The following SYT16 variants were observed in gnomAD, a reference collection of about 807,000 sequenced individuals.
SYT16 encodes synaptotagmin 16, also known as synaptotagmin-16.
A neutral mutation model predicts 61.4 loss-of-function variants in SYT16; 42 were observed. The ratio of observed to expected loss-of-function variants is 0.68; its 90% CI spans 0.53 to 0.89. The LOEUF (loss-of-function observed/expected upper bound fraction) is 0.89. Ranked by LOEUF, SYT16 falls within the 40% of genes least tolerant of loss-of-function variation. The probability of loss-of-function intolerance (pLI) is 0.00; values close to 1 mark genes in which losing one functional copy is unlikely to be tolerated. For missense variants in SYT16, 804 were observed against 807.3 expected (o/e 1.00, Z 0.05); for synonymous variants, 314 against 302.3 (o/e 1.04, Z -0.40).
chr14:62,044,862 G>A (rs907367501), intron 3 of SYT16, among the ~76,000 whole-genome samples: 3 of 152,140 alleles, frequency 2.0e-5, no homozygotes, highest in African/African-American at 4.8e-5. Context: ...ATTTTGTGGA[G>A]AGTGCAGTGG....
At chr14:61,872,745 T>C (rs1470697880) in intron 1 of SYT16, among the ~76,000 whole-genome samples, 1 of 152,232 alleles carries the variant, frequency 6.6e-6, no homozygotes, top group Non-Finnish European at 1.5e-5. Context: ...CTTTGGGGAA[T>C]ACAGACGTTG....
intron 1 of SYT16, among the ~76,000 whole-genome samples, chr14:61,876,071 T>C (rs2140311231): frequency 6.6e-6 from 1 of 152,338 alleles, no homozygotes; most frequent in Admixed American, 6.5e-5. Flanking sequence ...TGCGTGTGTG[T>C]GTGCACATGC....
chr14:61,953,637 T>A (rs528812021), intron 1 of SYT16, among the ~76,000 whole-genome samples: 17 of 152,314 alleles, frequency 1.1e-4, no homozygotes, highest in African/African-American at 3.8e-4. Flanking sequence ...CACCTCTTAC[T>A]GCTGCTGAAA....
chr14:61,968,604 T>G (rs1374115907), intron 1 of SYT16, among the ~76,000 whole-genome samples: 1 of 152,218 alleles, frequency 6.6e-6, no homozygotes, highest in Non-Finnish European at 1.5e-5. Context: ...TTACTCCTAC[T>G]TAAGGACTCT....
At chr14:62,088,929 C>G (rs4902105) in intron 7 of SYT16, among the ~76,000 whole-genome samples, 121,977 of 151,208 alleles carry the variant, frequency 0.81, 49,507 homozygotes, top group South Asian at 0.91. Context: ...CTTAGCCATG[C>G]ATAGGGACTT....
At chr14:61,833,295 CTTT>C (rs556738010) in intron 1 of SYT16, among the ~76,000 whole-genome samples, 1 of 138,760 alleles carries the variant, frequency 7.2e-6, no homozygotes, top group Non-Finnish European at 1.6e-5. Flanking sequence ...TTTTTCTTTT[CTTT>C]TTTTTTTTTT....
chr14:61,973,571 CAGTG>C (rs1829079380), intron 2 of SYT16, among the ~76,000 whole-genome samples: 1 of 152,126 alleles, frequency 6.6e-6, no homozygotes, highest in Non-Finnish European at 1.5e-5. Context: ...AAAAATTTCA[CAGTG>C]AGACAATAGT....
intron 1 of SYT16, among the ~76,000 whole-genome samples, chr14:61,837,757 A>G (rs772165612): frequency 9.9e-5 from 15 of 152,180 alleles, no homozygotes; most frequent in Non-Finnish European, 1.6e-4. Flanking sequence ...CTTGGATGCT[A>G]TGCTTCTGGC....
chr14:62,085,371 GA>G lies in SYT16; in HGVS notation c.1624+988del, dbSNP rs754890494. On this transcript the variant is annotated intron_variant, in intron 7 of 7. Coordinates refer to ENST00000683842, the MANE Select transcript of SYT16 (RefSeq NM_001367656.1). Reference sequence around the variant, plus strand: ...TGCAAGAGAGTCTGAAAATGTTGTTGAATTTCTAGTCTTTTGAGTCAGGAAG... The same window carrying G: ...TGCAAGAGAGTCTGAAAATGTTGTTGATTTCTAGTCTTTTGAGTCAGGAAG... 1.3e-4 allele frequency among the ~76,000 whole-genome samples: 20 copies of G among 152,302 alleles called. No homozygotes were observed. The South Asian group carries it at 4.2e-3, about 32-fold the overall frequency.
intron 1 of SYT16, among the ~76,000 whole-genome samples, chr14:61,844,044 T>C (rs540434930): frequency 1.3e-5 from 2 of 152,350 alleles, no homozygotes; most frequent in South Asian, 4.1e-4. Context: ...ATATGAAATA[T>C]CTTTCCATTT....
intron 3 of SYT16, among the ~76,000 whole-genome samples, chr14:62,024,564 C>T (rs1368523703): frequency 2.0e-5 from 3 of 152,080 alleles, no homozygotes; most frequent in East Asian, 3.9e-4. Context: ...TCTCCATTTT[C>T]CCCCCACTAT....
At chr14:62,042,831 C>T (rs917911846) in intron 3 of SYT16, among the ~76,000 whole-genome samples, 16 of 152,140 alleles carry the variant, frequency 1.1e-4, no homozygotes, top group Non-Finnish European at 2.2e-4. Context: ...GTCTTGAGTC[C>T]TCTTCTCTGA....
In SYT16 at chr14:62,033,316, T is replaced by G. The variant is rs556495459; in HGVS notation, c.524-36287T>G. On this transcript the variant is annotated intron_variant, in intron 3 of 7. Coordinates refer to ENST00000683842, the MANE Select transcript of SYT16 (RefSeq NM_001367656.1). ...AGTGGAAATAAAATATTTGACAATA[T>G]GACTGATAAGTGTATAAATCTTGGT... Among the ~76,000 whole-genome samples the G allele has an allele frequency of 3.9e-5, 6 of 152,188 alleles. No individual in the cohort carries two copies. The East Asian group carries it at 1.2e-3, about 29-fold the overall frequency.
chr14:62,084,484 G>C, intron 7 of SYT16, 99 bp downstream of exon 7: 1 of 1,335,214 alleles, frequency 7.5e-7, no homozygotes. Context: ...CCATAAAAAT[G>C]ATCTTATTAT....
At chr14:62,042,864 T>C (rs1277625448) in intron 3 of SYT16, among the ~76,000 whole-genome samples, 5 of 152,180 alleles carry the variant, frequency 3.3e-5, no homozygotes, top group Admixed American at 6.5e-5. Context: ...TAATTTTCTC[T>C]AGGGAGCCAG....
intron 2 of SYT16, among the ~76,000 whole-genome samples, chr14:61,987,652 T>C (rs1435446580): frequency 1.3e-5 from 2 of 152,060 alleles, no homozygotes; most frequent in Non-Finnish European, 2.9e-5. Context: ...AACCCGATGA[T>C]AACTGTGCAA....
chr14:61,905,612 C>T (rs1472193375), intron 1 of SYT16, among the ~76,000 whole-genome samples: 4 of 152,186 alleles, frequency 2.6e-5, no homozygotes, highest in Non-Finnish European at 5.9e-5. Flanking sequence ...CCTCTTCTTA[C>T]ACCTGCTAGC....
chr14:62,011,870 TATATACACACACACAC>T (rs1172403967), intron 3 of SYT16, among the ~76,000 whole-genome samples: 1 of 124,088 alleles, frequency 8.1e-6, no homozygotes, highest in African/African-American at 3.9e-5. Context: ...GGGAACACTA[TATATACACACACACAC>T]ACACACACAC....
intron 1 of SYT16, among the ~76,000 whole-genome samples, chr14:61,912,037 T>C (rs1594896421): frequency 6.6e-6 from 1 of 152,192 alleles, no homozygotes; most frequent in African/African-American, 2.4e-5. Flanking sequence ...AAAAATTCAA[T>C]TGCAAATTTA....
Sources: allele counts gnomAD v4.1 joint callset (sites outside exome capture counted in the v4.1 genomes callset), GRCh38; gene constraint gnomAD v4.1.1; transcripts MANE v1.5; gene names NCBI Gene and HGNC (gene_info 2026-07-23, HGNC 2026-07-21).